Variants in ANKRD30B observed in about 807,000 individuals in gnomAD.
ANKRD30B encodes the protein ankyrin repeat domain 30B, also known as ankyrin repeat domain-containing protein 30B.
Under a neutral mutation model 202.2 loss-of-function variants are expected in ANKRD30B, and 144 were observed. The observed-to-expected ratio is 0.71, with a 90% CI of 0.62 to 0.82. ANKRD30B has a LOEUF of 0.82. ANKRD30B is among the 40% of genes least tolerant of loss of function. The pLI is 0.00. For missense variants in ANKRD30B, 1,487 were observed against 1,669.1 expected (o/e 0.89, Z 1.90); for synonymous variants, 508 against 561.3 (o/e 0.91, Z 1.34).
intron 36 of ANKRD30B, among the ~76,000 whole-genome samples, chr18:14,839,309 G>T (rs1035052820): frequency 6.6e-6 from 1 of 152,140 alleles, no homozygotes; most frequent in Non-Finnish European, 1.5e-5. Flanking sequence ...GGAATTCCAT[G>T]GTCAGAGTAG....
At chr18:14,785,332 A>T (rs1968013550) in intron 14 of ANKRD30B, among the ~76,000 whole-genome samples, 1 of 152,188 alleles carries the variant, frequency 6.6e-6, no homozygotes, top group Admixed American at 6.5e-5. Flanking sequence ...TTTGATCAGC[A>T]TTATAATTTT....
the ANKRD30B span, among the ~76,000 whole-genome samples, chr18:14,907,582 C>T: frequency 6.6e-6 from 1 of 152,194 alleles, no homozygotes; most frequent in Non-Finnish European, 1.5e-5. Flanking sequence ...ACGGCCTCCT[C>T]TGGGTCAGAC....
intron 18 of ANKRD30B, among the ~76,000 whole-genome samples, chr18:14,796,651 AT>A (rs1968917693): frequency 6.6e-6 from 1 of 152,190 alleles, no homozygotes; most frequent in Non-Finnish European, 1.5e-5. Flanking sequence ...GCAGCCTGCA[AT>A]ACAATGGGGC....
intron 39 of ANKRD30B, among the ~76,000 whole-genome samples, chr18:14,848,434 C>T (rs1971743946): frequency 6.6e-6 from 1 of 152,050 alleles, no homozygotes; most frequent in African/African-American, 2.4e-5. Flanking sequence ...TTTCCGTGGG[C>T]CTAGTACAGA....
At chr18:14,925,211 G>A in the ANKRD30B span, among the ~76,000 whole-genome samples, 1 of 152,208 alleles carries the variant, frequency 6.6e-6, no homozygotes, top group African/African-American at 2.4e-5. Context: ...CTGAGGAAGG[G>A]AGAGGACAGC....
At chr18:14,816,373 C>T (rs2144084651) in intron 30 of ANKRD30B, 1 of 152,280 alleles carries the variant, frequency 6.6e-6, no homozygotes, top group Admixed American at 6.5e-5. Flanking sequence ...AGGCCGGGCA[C>T]TGTGGTTCAC....
At chr18:14,756,294 C>A (rs1208748629) in intron 4 of ANKRD30B, among the ~76,000 whole-genome samples, 5 of 152,058 alleles carry the variant, frequency 3.3e-5, no homozygotes, top group Non-Finnish European at 5.9e-5. Context: ...ATTGTAGATT[C>A]TGGATATTAG....
At chr18:14,922,068 G>A in the ANKRD30B span, among the ~76,000 whole-genome samples, 2 of 152,202 alleles carry the variant, frequency 1.3e-5, no homozygotes, top group African/African-American at 4.8e-5. Context: ...ATTGAAGAGG[G>A]TAGGAAAGAC....
the ANKRD30B span, among the ~76,000 whole-genome samples, chr18:14,889,722 G>A: frequency 6.7e-6 from 1 of 149,776 alleles, no homozygotes; most frequent in East Asian, 1.9e-4. Context: ...AAATGCACAT[G>A]GAATTTTAGA....
At chr18:14,899,356 A>G in the ANKRD30B span, among the ~76,000 whole-genome samples, 106 of 152,274 alleles carry the variant, frequency 7.0e-4, no homozygotes, top group Non-Finnish European at 1.2e-3. Flanking sequence ...AGTTAGTTAA[A>G]TAAATATATG....
intron 39 of ANKRD30B, among the ~76,000 whole-genome samples, chr18:14,843,389 CTCTAA>C (rs1157427870): frequency 6.6e-6 from 1 of 152,080 alleles, no homozygotes; most frequent in African/African-American, 2.4e-5. Context: ...TATTTTTAAA[CTCTAA>C]TATTTTTTTC....
chr18:14,819,970 C>T (rs1239540993), intron 30 of ANKRD30B, among the ~76,000 whole-genome samples: 8 of 152,040 alleles, frequency 5.3e-5, no homozygotes, highest in South Asian at 4.2e-4. Flanking sequence ...GCCATTTTCA[C>T]GATATTGATT....
intron 30 of ANKRD30B, among the ~76,000 whole-genome samples, chr18:14,819,839 G>C (rs62086441): frequency 0.083 from 12,621 of 152,106 alleles, 732 homozygotes; most frequent in Non-Finnish European, 0.12. Context: ...TTGACTTGGC[G>C]ACACGGGCTC....
rs1290002197 is a variant in ANKRD30B at position 14,791,485 on chromosome 18, T to C, written c.1819T>C (p.Leu607=). 1.2e-6 allele frequency: 2 copies of C among 1,607,170 alleles called. No individual in the cohort carries two copies. The highest frequency in any genetic ancestry group is 2.7e-5 in the African/African-American group (2 of 74,640). ...AGAATTCGATACCTTAAGTGGAAAA[T>C]TAGAAGGTAAGAACCATTTTTTAAT... ...QKEFDTLSGK[L]EESPVKDGLL... The change falls in exon 16 of 44, where the codon TTA becomes CTA. Residue 607 remains leucine, a synonymous_variant. Transcript: ENST00000690538.
At chr18:14,791,592 T>G in intron 16 of ANKRD30B, 101 bp downstream of exon 16, 1 of 877,662 alleles carries the variant, frequency 1.1e-6, no homozygotes, top group East Asian at 2.7e-5. Flanking sequence ...ACCTCCTTAA[T>G]GCAAAGCACA....
In ANKRD30B at chr18:14,837,227, C is replaced by T. The variant is rs915615966; in HGVS notation, c.2864C>T (p.Thr955Ile). 6.5e-7 allele frequency: 1 copy of T among 1,546,960 alleles called. No individual in the cohort carries two copies. The change falls in exon 35 of 44, where the codon ACA becomes ATA. Residue 955 changes from threonine (T) to isoleucine (I), a missense_variant. By Grantham distance (89) the Thr-to-Ile change is moderately conservative. Transcript: ENST00000690538. ...NLTTKEGATK[T>I]VTGQQERDIG... ...TTGTAATAGGAGGGAGCAACAAAGA[C>T]AGTAACTGGACAACAGGAACGTGAT...
the ANKRD30B span, among the ~76,000 whole-genome samples, chr18:14,859,792 C>T: frequency 3.2e-5 from 1 of 31,324 alleles, no homozygotes; most frequent in African/African-American, 1.0e-4. Context: ...CAGGCAGAGG[C>T]GCTCCTCACT....
chr18:14,769,005 T>A (rs545335235), intron 7 of ANKRD30B, among the ~76,000 whole-genome samples: 1 of 152,322 alleles, frequency 6.6e-6, no homozygotes, highest in East Asian at 1.9e-4. Flanking sequence ...GTATACTTAA[T>A]AATAATTTTA....
At chr18:14,891,621 T>G in the ANKRD30B span, among the ~76,000 whole-genome samples, 1 of 150,460 alleles carries the variant, frequency 6.6e-6, no homozygotes, top group African/African-American at 2.4e-5. Flanking sequence ...GTCCATATAT[T>G]TTGGAGAATT....
Sources: gnomAD v4.1 joint callset for allele counts (sites outside exome capture counted in the v4.1 genomes callset) on GRCh38, gnomAD v4.1.1 for gene constraint, MANE v1.5 for transcripts, NCBI Gene and HGNC (gene_info 2026-07-23, HGNC 2026-07-21) for gene names.